The following TARS3 variants were observed in gnomAD, a reference collection of about 807,000 sequenced individuals.
The protein encoded by TARS3 is threonine--tRNA ligase 2, cytoplasmic.
TARS3 carries 94 observed loss-of-function variants against 103.5 expected under a neutral mutation model. The ratio of observed to expected loss-of-function variants is 0.91; its 90% CI spans 0.77 to 1.08. The LOEUF is 1.08. TARS3 is among the 50% of genes least tolerant of loss of function. The pLI is 0.00. For missense variants in TARS3, 952 were observed against 995.2 expected, an observed-to-expected ratio of 0.96 and a Z score of 0.58; for synonymous variants, 416 against 355.4, an observed-to-expected ratio of 1.17 and a Z score of -1.92.
chr15:101,671,030 G>A (rs568502038), intron 15 of TARS3, among the ~76,000 whole-genome samples: 1 of 151,954 alleles, frequency 6.6e-6, no homozygotes, highest in Non-Finnish European at 1.5e-5. Context: ...GAGAACAACA[G>A]AATCATAACC....
chr15:101,713,870 T>A (rs1384805101), intron 4 of TARS3, among the ~76,000 whole-genome samples: 1 of 152,196 alleles, frequency 6.6e-6, no homozygotes, highest in African/African-American at 2.4e-5. Context: ...TTTCTGAAAA[T>A]CACTTTTAAA....
At chr15:101,717,019 G>A (rs1428488747) in intron 3 of TARS3, among the ~76,000 whole-genome samples, 4 of 152,094 alleles carry the variant, frequency 2.6e-5, no homozygotes, top group Non-Finnish European at 5.9e-5. Flanking sequence ...ACCATGTCCG[G>A]CTACTTTTTG....
At chr15:101,694,162 T>C (rs78004891) in intron 10 of TARS3, among the ~76,000 whole-genome samples, 1,570 of 152,332 alleles carry the variant, frequency 0.01, 15 homozygotes, top group Middle Eastern at 0.02. Flanking sequence ...CAGTAACTAA[T>C]ATACAAACAA....
chr15:101,677,984 A>ATTTT (rs34335030), intron 12 of TARS3, among the ~76,000 whole-genome samples: 1 of 132,444 alleles, frequency 7.6e-6, no homozygotes, highest in African/African-American at 2.8e-5. Flanking sequence ...TTTGGGGGTC[A>ATTTT]TTTTTTTTTT....
chr15:101,654,751 G>T (rs775969837), intron 18 of TARS3, 21 bp from the exon 19 acceptor site: 39 of 1,608,150 alleles, frequency 2.4e-5, no homozygotes, highest in Non-Finnish European at 3.3e-5. Flanking sequence ...GAAAGGTAAA[G>T]AAATGTATTT....
At chr15:101,676,715 C>A (rs1898041320) in intron 12 of TARS3, among the ~76,000 whole-genome samples, 1 of 151,634 alleles carries the variant, frequency 6.6e-6, no homozygotes, top group Non-Finnish European at 1.5e-5. Flanking sequence ...CCATGTTGGC[C>A]AGGCTGGTCT....
At chr15:101,682,439 A>G (rs1898293796) in intron 12 of TARS3, among the ~76,000 whole-genome samples, 1 of 152,134 alleles carries the variant, frequency 6.6e-6, no homozygotes, top group Admixed American at 6.5e-5. Flanking sequence ...AATGTGGGGA[A>G]TTACAATGAT....
chr15:101,660,528 G>T (rs1897337199), intron 16 of TARS3, among the ~76,000 whole-genome samples: 1 of 152,220 alleles, frequency 6.6e-6, no homozygotes, highest in Non-Finnish European at 1.5e-5. Flanking sequence ...ACTGGCAGAA[G>T]CATGGCAGCA....
chr15:101,660,342 T>C (rs1297943564), intron 16 of TARS3, among the ~76,000 whole-genome samples: 1 of 152,244 alleles, frequency 6.6e-6, no homozygotes, highest in Non-Finnish European at 1.5e-5. Flanking sequence ...CATCACAAGA[T>C]GTTGTCTGCC....
At chr15:101,654,785 T>G (rs1372311097) in intron 18 of TARS3, 55 bp from the exon 19 acceptor site, 2 of 1,532,424 alleles carry the variant, frequency 1.3e-6, no homozygotes, top group African/African-American at 2.8e-5. Flanking sequence ...TACCAAACAT[T>G]AAGTCAGCAG....
chr15:101,684,021 G>A lies in TARS3; in HGVS notation c.1650+54C>T, dbSNP rs773256777. ...CTCTGAAAGAATACAAGATGTGTGC[G>A]GGGCATCACACTCAATTTGTGACCA... is the stretch of plus-strand genomic sequence containing the variant. On this transcript the variant is annotated intron_variant, in intron 12 of 18. Transcript: ENST00000335968. 25 of 1,538,012 alleles carry A rather than the reference G, an allele frequency of 1.6e-5. No individual in the cohort carries two copies. In the Admixed American group the frequency reaches 1.8e-4, roughly 11 times the overall value.
At position 101,654,245 on chromosome 15, in the gene TARS3, CTT is replaced by C. The variant is rs925372714; in HGVS notation, c.*335_*336del. The stretch of plus-strand genomic sequence containing the variant: ...TCCTATTTAAAAAAAACTCTGCAGA[CTT>C]TTATTTGAAGCCCATCTTTTGAAAA... On this transcript the variant is annotated 3_prime_UTR_variant, in exon 19 of 19. Transcript: ENST00000335968. The C allele has an allele frequency of 6.0e-5, 12 of 198,506 alleles. No homozygotes were observed. Among genetic ancestry groups the C allele is most frequent in the Non-Finnish European group, 1.2e-4 (12 of 100,086 alleles). The allele number at this position is 198,506 out of a possible 1,614,324, so 12.3% of individuals were successfully genotyped here.
chr15:101,704,515 C>T (rs555377869), intron 7 of TARS3, among the ~76,000 whole-genome samples: 8 of 151,714 alleles, frequency 5.3e-5, no homozygotes, highest in East Asian at 1.9e-4. Flanking sequence ...ATTAGCTGGG[C>T]GTGGTGGTGG....
intron 15 of TARS3, 23 bp from the exon 16 acceptor site, chr15:101,661,839 TTAAG>T: frequency 7.0e-7 from 1 of 1,426,754 alleles, no homozygotes; most frequent in Non-Finnish European, 9.6e-7. Flanking sequence ...AATTATACAT[TTAAG>T]TCTTTTCCTA....
chr15:101,680,241 C>CA (rs1252343631), intron 12 of TARS3, among the ~76,000 whole-genome samples: 1 of 152,176 alleles, frequency 6.6e-6, no homozygotes, highest in Non-Finnish European at 1.5e-5. Context: ...CCTTAGCTGG[C>CA]ATATAAAGGG....
intron 11 of TARS3, among the ~76,000 whole-genome samples, chr15:101,684,951 A>T (rs1385053671): frequency 6.6e-6 from 1 of 152,246 alleles, no homozygotes. Flanking sequence ...AGAAATTGTT[A>T]ACACAAGTGT....
chr15:101,697,676 C>A (rs770078067), intron 10 of TARS3, among the ~76,000 whole-genome samples: 1 of 152,112 alleles, frequency 6.6e-6, no homozygotes, highest in Non-Finnish European at 1.5e-5. Flanking sequence ...CACAGCCTTA[C>A]GGTAAAGATC....
chr15:101,659,058 T>G (rs1034624653), intron 16 of TARS3, among the ~76,000 whole-genome samples: 4 of 152,242 alleles, frequency 2.6e-5, no homozygotes, highest in Admixed American at 2.0e-4. Flanking sequence ...TCCCAAAGGT[T>G]GGGATTACAG....
chr15:101,720,989 T>A, intron 3 of TARS3, 137 bp downstream of exon 3: 1 of 763,102 alleles, frequency 1.3e-6, no homozygotes, highest in Non-Finnish European at 2.0e-6. Context: ...TCTTCCTTTA[T>A]AAATAACCCA....
Sources: allele counts gnomAD v4.1 joint callset (sites outside exome capture counted in the v4.1 genomes callset), GRCh38; gene constraint gnomAD v4.1.1; transcripts MANE v1.5; gene names NCBI Gene and HGNC (gene_info 2026-07-23, HGNC 2026-07-21).